PCDH11X: variants seen among roughly 807,000 people sequenced by gnomAD.
PCDH11X encodes the protein protocadherin 11 X-linked, also known as protocadherin-11 X-linked.
Under a neutral mutation model 53.3 loss-of-function variants are expected in PCDH11X, and 18 were observed. The observed-to-expected ratio is 0.34, with a 90% CI of 0.23 to 0.50. The LOEUF is 0.50. Ranked by LOEUF, PCDH11X falls within the 20% of genes least tolerant of loss-of-function variation. PCDH11X has a pLI of 0.98. For missense variants in PCDH11X, 570 were observed against 1,032.4 expected (o/e 0.55, Z 6.14); for synonymous variants, 279 against 393.3 (o/e 0.71, Z 3.44).
At chrX:92,517,437 G>T (rs1348858515) in intron 10 of PCDH11X, among the ~76,000 whole-genome samples, 1 of 111,795 alleles carries the variant, frequency 8.9e-6, no homozygotes, top group East Asian at 2.8e-4. Context: ...TAGCCTTCGT[G>T]CTAATTCAAA....
chrX:92,041,749 A>C (rs1166482569), intron 6 of PCDH11X, among the ~76,000 whole-genome samples: 6 of 112,031 alleles, frequency 5.4e-5, no homozygotes, highest in Non-Finnish European at 1.1e-4. Flanking sequence ...AGGTGGGCAG[A>C]TTACGAGCTC....
At position 91,985,389 on chromosome X, in the gene PCDH11X, C is replaced by A. The variant is rs760315604; in HGVS notation, c.3033+106116C>A. Among the ~76,000 whole-genome samples the A allele has an allele frequency of 5.4e-5, 6 of 111,753 alleles. No individual in the cohort carries two copies. The South Asian group carries it at 2.2e-3, about 42-fold the overall frequency. On this transcript the variant is annotated intron_variant, in intron 6 of 10. Coordinates refer to ENST00000682573, the MANE Select transcript of PCDH11X (RefSeq NM_032968.5). ...GTGTGGTGGCGCATGCCTATAATCC[C>A]AGCTACTCAGGAGGCTGAGGCAGGA...
At chrX:92,055,027 T>C (rs1377275530) in intron 6 of PCDH11X, among the ~76,000 whole-genome samples, 4 of 61,875 alleles carry the variant, frequency 6.5e-5, no homozygotes, top group Non-Finnish European at 1.1e-4. Flanking sequence ...ATTATGTGGA[T>C]ATCTAGAGTA....
intron 7 of PCDH11X, among the ~76,000 whole-genome samples, chrX:92,240,777 T>C (rs758547978): frequency 3.4e-4 from 38 of 111,661 alleles, no homozygotes; most frequent in Non-Finnish European, 5.6e-4. Flanking sequence ...TACTCAAATA[T>C]ATGGCTGTGC....
intron 6 of PCDH11X, among the ~76,000 whole-genome samples, chrX:92,104,244 T>C (rs769565639): frequency 3.7e-4 from 40 of 107,992 alleles, no homozygotes; most frequent in African/African-American, 1.3e-3. Context: ...GGTGGAGGAG[T>C]GGAGGCTGAG....
chrX:92,024,837 T>C (rs1602704263), intron 6 of PCDH11X, among the ~76,000 whole-genome samples: 1 of 106,511 alleles, frequency 9.4e-6, no homozygotes, highest in South Asian at 4.1e-4. Flanking sequence ...TACAATGGAA[T>C]AGAATAGAGA....
intron 10 of PCDH11X, chrX:92,569,949 G>C (rs1921990094): frequency 9.8e-6 from 1 of 102,137 alleles, no homozygotes; most frequent in Admixed American, 1.1e-4. Flanking sequence ...CTGGGAAGCG[G>C]AGGTTGCAGT....
chrX:91,991,116 C>T (rs1224150114), intron 6 of PCDH11X, among the ~76,000 whole-genome samples: 15 of 109,009 alleles, frequency 1.4e-4, no homozygotes, highest in Non-Finnish European at 5.7e-5. Context: ...ACTTTCTGCA[C>T]AATCTTCTCT....
At chrX:92,286,295 G>A (rs766503236) in intron 8 of PCDH11X, among the ~76,000 whole-genome samples, 5 of 109,261 alleles carry the variant, frequency 4.6e-5, no homozygotes, top group Non-Finnish European at 9.5e-5. Flanking sequence ...ATTATTTAAT[G>A]TTGGTGCATA....
At chrX:92,558,879 C>G (rs994870935) in intron 10 of PCDH11X, among the ~76,000 whole-genome samples, 12 of 110,132 alleles carry the variant, frequency 1.1e-4, no homozygotes, top group African/African-American at 3.9e-4. Flanking sequence ...TGTCAAGTAA[C>G]AGTCAAACAT....
intron 10 of PCDH11X, among the ~76,000 whole-genome samples, chrX:92,600,950 G>A (rs1469980074): frequency 1.8e-5 from 2 of 109,722 alleles, no homozygotes; most frequent in Non-Finnish European, 3.8e-5. Context: ...CACCTCACTG[G>A]ATTTCACATT....
intron 7 of PCDH11X, among the ~76,000 whole-genome samples, chrX:92,247,759 G>C (rs1460373857): frequency 8.9e-6 from 1 of 111,876 alleles, no homozygotes; most frequent in Non-Finnish European, 1.9e-5. Context: ...CCTAAATCCA[G>C]GATGATTTTT....
chrX:91,791,759 A>T (rs1458544989), intron 1 of PCDH11X, among the ~76,000 whole-genome samples: 1 of 102,529 alleles, frequency 9.8e-6, no homozygotes, highest in Non-Finnish European at 2.0e-5. Context: ...CAAAATAAAC[A>T]GATAGCAAAA....
At chrX:92,541,102 T>TA (rs1227467482) in intron 10 of PCDH11X, among the ~76,000 whole-genome samples, 1 of 110,096 alleles carries the variant, frequency 9.1e-6, no homozygotes, top group Non-Finnish European at 1.9e-5. Flanking sequence ...AAGCCCAGCC[T>TA]AGCGCTTGGA....
chrX:92,457,071 CAT>C (rs1398508608), intron 9 of PCDH11X, among the ~76,000 whole-genome samples: 2 of 108,570 alleles, frequency 1.8e-5, no homozygotes, highest in Admixed American at 1.0e-4. Context: ...AAATAATAAT[CAT>C]ATATCTTTCA....
chrX:92,220,505 C>G (rs1395024217), intron 7 of PCDH11X, among the ~76,000 whole-genome samples: 1 of 109,160 alleles, frequency 9.2e-6, no homozygotes, highest in African/African-American at 3.3e-5. Context: ...TGAGATACCA[C>G]CTCACACCAG....
chrX:92,411,907 AGTG>A (rs2071660179), intron 9 of PCDH11X, among the ~76,000 whole-genome samples: 1 of 57,775 alleles, frequency 1.7e-5, no homozygotes, highest in Non-Finnish European at 3.3e-5. Context: ...AGGGAAGAGG[AGTG>A]GGAGGAGGAG....
intron 6 of PCDH11X, among the ~76,000 whole-genome samples, chrX:92,084,555 G>T (rs868503436): frequency 1.1e-5 from 1 of 94,129 alleles, no homozygotes; most frequent in Non-Finnish European, 2.1e-5. Flanking sequence ...AAAAAAAAAA[G>T]AAATAGTCTA....
At chrX:92,062,470 T>C (rs1316179584) in intron 6 of PCDH11X, among the ~76,000 whole-genome samples, 2 of 111,783 alleles carry the variant, frequency 1.8e-5, no homozygotes, top group Admixed American at 9.6e-5. Flanking sequence ...ATGTCATAGA[T>C]AGCTCTTACT....
Sources: gnomAD v4.1 joint callset for allele counts (sites outside exome capture counted in the v4.1 genomes callset) on GRCh38, gnomAD v4.1.1 for gene constraint, MANE v1.5 for transcripts, NCBI Gene and HGNC (gene_info 2026-07-23, HGNC 2026-07-21) for gene names.